Variants in PABPN1 observed in about 807,000 individuals in gnomAD.
PABPN1 encodes the protein polyadenylate-binding protein 2.
In PABPN1, 5 loss-of-function variants were observed where a neutral mutation model predicts 33.4. That is an observed-to-expected ratio of 0.15 (90% CI 0.08 to 0.32). PABPN1 has a LOEUF of 0.32. Among genes scored for constraint, PABPN1 ranks in the 10% least tolerant of loss-of-function variants. The pLI is 1.00. For missense variants in PABPN1, 312 were observed against 425.8 expected (o/e 0.73, Z 2.35); for synonymous variants, 176 against 170.6 (o/e 1.03, Z -0.25).
intron 1 of PABPN1, 98 bp from the exon 2 acceptor site, chr14:23,322,083 C>A: frequency 7.7e-7 from 1 of 1,299,838 alleles, no homozygotes; most frequent in African/African-American, 1.5e-5. Context: ...AGGGAAATGG[C>A]CGAGCATGGC....
chr14:23,321,711 C>G lies in PABPN1; in HGVS notation c.242C>G (p.Pro81Arg), dbSNP rs912588128. Residue 81 changes from proline (P) to arginine (R), a missense_variant, in exon 1 of 7, where the codon CCG (proline) becomes CGG (arginine). By Grantham distance (103) the Pro-to-Arg change is moderately radical (BLOSUM62 -2). Around this residue, in one of 3 missense-constraint regions of PABPN1, gnomAD observed 167 missense variants for 168.9 expected, o/e 0.99. Coordinates refer to ENST00000216727, the MANE Select transcript of PABPN1 (RefSeq NM_004643.4). ...EEEPPRPRAPPGAPGPGPGSG... is the reference protein window; with the variant it reads ...EEEPPRPRAPRGAPGPGPGSG... ...GAGCCGCCCCGGCCCCGCGCCCCCC[C>G]GGGAGCTCCGGGCCCTGGGCCTGGT... 3.9e-6 allele frequency: 6 copies of G among 1,540,486 alleles called. No individual in the cohort carries two copies. Among genetic ancestry groups the G allele is most frequent in the African/African-American group, 1.4e-5 (1 of 72,058 alleles).
chr14:23,323,549 A>T (rs1474279909), intron 4 of PABPN1, 66 bp downstream of exon 4: 2 of 1,437,620 alleles, frequency 1.4e-6, no homozygotes, highest in African/African-American at 2.8e-5. Context: ...ATTATGTTTT[A>T]TATTGAGCAG....
Position 23,325,514 on chromosome 14 carries a change from A to T in PABPN1, c.*228A>T. 1.7e-6 allele frequency: 1 copy of T among 581,318 alleles called. No homozygotes were observed. Among genetic ancestry groups the T allele is most frequent in the East Asian group, 2.9e-5 (1 of 34,016 alleles). The allele number at this position is 581,318 out of a possible 1,614,324, so 36.0% of individuals were successfully genotyped here. ...CAGGGAGTGGGGCAGGGGGCTGCTT[A>T]TTCACTCTGGGGATTCGCCATGGAC... On this transcript the variant is annotated 3_prime_UTR_variant, in exon 7 of 7. Coordinates refer to ENST00000216727, the MANE Select transcript of PABPN1 (RefSeq NM_004643.4).
chr14:23,324,223 A>G lies in PABPN1; in HGVS notation c.815A>G (p.Asn272Ser), dbSNP rs559247359. The G allele has an allele frequency of 1.2e-6, 2 of 1,614,154 alleles. No individual in the cohort carries two copies. The highest frequency in any genetic ancestry group is 2.2e-5 in the East Asian group (1 of 44,878). The change falls in exon 6 of 7, where the codon AAC becomes AGC. Residue 272 changes from asparagine (N) to serine (S), a missense_variant. Asn to Ser is a conservative substitution (Grantham distance 46). This residue lies in a region of PABPN1 where 68 missense variants were observed against 71.1 expected (regional missense o/e 0.96). Transcript: ENST00000216727. ...GCCCGCTACCGCGCCCGGACCACCAACTACAACAGCTCCCGCTCTCGATTC... is the reference window on the plus strand; with the variant it reads ...GCCCGCTACCGCGCCCGGACCACCAGCTACAACAGCTCCCGCTCTCGATTC... ...PRARYRARTT[N>S]YNSSRSRFYS...
chr14:23,321,523 C>G lies in PABPN1; in HGVS notation c.54C>G (p.Gly18=), dbSNP rs1888263263. The change falls in exon 1 of 7, where the codon GGC becomes GGG. Residue 18 remains glycine, a synonymous_variant. Coordinates refer to ENST00000216727, the MANE Select transcript of PABPN1 (RefSeq NM_004643.4). ...AAAAGAAGGR[G]SGPGRRRHLV... is the part of the protein sequence containing the mutation. ...CAGCGGGGGCTGCGGGCGGTCGGGG[C>G]TCCGGGCCGGGGCGGCGGCGCCATC... 1 of 1,259,034 alleles carries G rather than the reference C, an allele frequency of 7.9e-7. No homozygotes were observed. The highest frequency in any genetic ancestry group is 4.1e-5 in the Admixed American group (1 of 24,384). The allele number at this position is 1,259,034 out of a possible 1,614,324, so 78.0% of individuals were successfully genotyped here.
intron 6 of PABPN1, 65 bp downstream of exon 6, chr14:23,324,354 C>G: frequency 6.3e-7 from 1 of 1,598,926 alleles, no homozygotes. Context: ...TTCCTCCTCT[C>G]TGGTCTGAGG....
chr14:23,322,941 A>G, intron 2 of PABPN1, 58 bp from the exon 3 acceptor site: 9 of 1,611,338 alleles, frequency 5.6e-6, no homozygotes, highest in Non-Finnish European at 7.6e-6. Context: ...AGTGCAACAT[A>G]TTGGTCAAGT....
At chr14:23,322,675 A>C in intron 2 of PABPN1, 2 of 467,314 alleles carry the variant, frequency 4.3e-6, no homozygotes, top group South Asian at 2.3e-5. Context: ...TTAATCTAGA[A>C]ATGTGGAGTC....
chr14:23,325,216 G>T, intron 6 of PABPN1, 31 bp from the exon 7 acceptor site: 1 of 1,613,410 alleles, frequency 6.2e-7, no homozygotes, highest in South Asian at 1.1e-5. Context: ...TAGTGATCAC[G>T]TTAACACCTA....
intron 1 of PABPN1, 21 bp from the exon 2 acceptor site, chr14:23,322,160 T>C: frequency 6.3e-7 from 1 of 1,589,866 alleles, no homozygotes; most frequent in Non-Finnish European, 8.6e-7. Context: ...CTGTCCTCCA[T>C]ACCCTCCCCA....
At chr14:23,324,723 A>G (rs1377705325) in intron 6 of PABPN1, 2 of 293,944 alleles carry the variant, frequency 6.8e-6, no homozygotes, top group Non-Finnish European at 1.3e-5. Context: ...GATCCTCCCC[A>G]ACAGCCTTGT....
At position 23,321,468 on chromosome 14, in the gene PABPN1, C is replaced by T. The variant is rs1475889647; in HGVS notation, c.-2C>T. ...GGGCGGCGGGCCCCAGTCTGAGCGGCGATGGCGGCGGCGGCGGCGGCGGCA... is the reference window on the plus strand; with the variant it reads ...GGGCGGCGGGCCCCAGTCTGAGCGGTGATGGCGGCGGCGGCGGCGGCGGCA... On this transcript the variant is annotated 5_prime_UTR_variant, in exon 1 of 7. Transcript: ENST00000216727. 5 of 1,153,968 alleles carry T rather than the reference C, an allele frequency of 4.3e-6. No homozygotes were observed. Among genetic ancestry groups the T allele is most frequent in the African/African-American group, 3.3e-5 (2 of 61,242 alleles). The allele number at this position is 1,153,968 out of a possible 1,614,324, so 71.5% of individuals were successfully genotyped here.
Position 23,325,686 on chromosome 14 carries a change from AC to A in PABPN1, c.*402del, listed in dbSNP as rs1267268613. 1 of 180,580 alleles carries A rather than the reference AC, an allele frequency of 5.5e-6. No homozygotes were observed. The highest frequency in any genetic ancestry group is 1.2e-5 in the Non-Finnish European group (1 of 85,376). The allele number at this position is 180,580 out of a possible 1,614,324, so 11.2% of individuals were successfully genotyped here. ...AGGACACCAAACTGTTCTGCTTGTT[AC>A]CTTCCCTCCGTCTTCTCCTCGCCTT... is the stretch of plus-strand genomic sequence containing the variant. On this transcript the variant is annotated 3_prime_UTR_variant, in exon 7 of 7. Transcript: ENST00000216727.
chr14:23,325,242 TC>T lies in PABPN1; in HGVS notation c.882-3del. 1 of 1,612,368 alleles carries T rather than the reference TC, an allele frequency of 6.2e-7. No homozygotes were observed. ...TTAACACCTAACTCTCCTTCTTTCT[TC>T]CAGGGGCCGGGCTAGAGCGACATCA... On this transcript the variant is annotated splice_region_variant and splice_polypyrimidine_tract_variant and intron_variant, in intron 6 of 6. Transcript: ENST00000216727.
At chr14:23,322,046 C>T (rs1888338644) in intron 1 of PABPN1, 135 bp from the exon 2 acceptor site, 13 of 1,004,162 alleles carry the variant, frequency 1.3e-5, no homozygotes, top group Middle Eastern at 3.1e-4. Context: ...GGTAGCTTTT[C>T]TTTTATCACG....
At position 23,321,507 on chromosome 14, in the gene PABPN1, C is replaced by A. The variant is rs1888259528; in HGVS notation, c.38C>A (p.Ala13Asp). 1.6e-6 allele frequency: 2 copies of A among 1,230,392 alleles called. No individual in the cohort carries two copies. Among genetic ancestry groups the A allele is most frequent in the Non-Finnish European group, 2.0e-6 (2 of 985,412 alleles). The allele number at this position is 1,230,392 out of a possible 1,614,324, so 76.2% of individuals were successfully genotyped here. A position where few individuals can be genotyped will look rare whatever the true frequency, so the allele number is the denominator to read the frequency against. Residue 13 changes from alanine to aspartate, a missense_variant, in exon 1 of 7, where the codon GCT becomes GAT. This residue lies in a region of PABPN1 where 167 missense variants were observed against 168.9 expected (regional missense o/e 0.99). Transcript: ENST00000216727. ...AAAAAAAAAG[A>D]AGGRGSGPGR... ...GCGGCGGCGGCAGCAGCAGCGGGGG[C>A]TGCGGGCGGTCGGGGCTCCGGGCCG...
At chr14:23,323,090 G>A (rs767957612) in intron 3 of PABPN1, 24 bp downstream of exon 3, 3 of 1,613,772 alleles carry the variant, frequency 1.9e-6, no homozygotes, top group East Asian at 2.2e-5. Flanking sequence ...CTCTGACTGG[G>A]GTTGGGGGCA....
intron 4 of PABPN1, 67 bp downstream of exon 4, chr14:23,323,550 T>C: frequency 1.4e-6 from 2 of 1,421,414 alleles, no homozygotes; most frequent in Non-Finnish European, 9.9e-7. Flanking sequence ...TTATGTTTTA[T>C]ATTGAGCAGT....
chr14:23,324,281 C>A lies in PABPN1; in HGVS notation c.873C>A (p.Arg291=). The A allele has an allele frequency of 6.2e-7, 1 of 1,612,746 alleles. No homozygotes were observed. ...GTTTTAACAGCAGGCCCCGGGGTCG[C>A]GTCTACAGGTCAGGATAGATGGGCT... ...YSGFNSRPRG[R]VYRGRARATS... is the part of the protein sequence containing the mutation. The change falls in exon 6 of 7, where the codon CGC becomes CGA. Residue 291 remains arginine (R), a synonymous_variant. Transcript: ENST00000216727.
Sources: allele counts gnomAD v4.1 joint callset, GRCh38; gene constraint gnomAD v4.1.1; regional missense constraint gnomAD v4.1.1; transcripts MANE v1.5; gene names NCBI Gene and HGNC (gene_info 2026-07-23, HGNC 2026-07-21).